CPSF6: variants seen among roughly 807,000 people sequenced by gnomAD.
The protein encoded by CPSF6 is cleavage and polyadenylation specific factor 6.
In CPSF6, 10 loss-of-function variants were observed where a neutral mutation model predicts 56.7. The observed-to-expected ratio is 0.18, with a 90% CI of 0.11 to 0.30. The LOEUF (loss-of-function observed/expected upper bound fraction) is 0.30, where lower values mean the gene tolerates loss of function less well. CPSF6 is among the 10% of genes least tolerant of loss of function. The pLI is 1.00. For synonymous variants in CPSF6, 248 were observed against 244.8 expected, an observed-to-expected ratio of 1.01 and a Z score of -0.12; for missense variants, 419 against 722.9, an observed-to-expected ratio of 0.58 and a Z score of 4.82.
chr12:69,257,798 C>G lies in CPSF6; in HGVS notation c.587C>G (p.Ala196Gly). ...AGPPGGSSRA[A>G]FPQGGRGRGR... ...CCTCCAGGAGGCAGTTCCCGTGCAG[C>G]ATTTCCACAAGGTGGTAGAGGACGG... The change falls in exon 5 of 10, where the codon GCA (alanine) becomes GGA (glycine). Residue 196 changes from alanine (A) to glycine (G), a missense_variant. Transcript: ENST00000435070. 1 of 1,613,460 alleles carries G rather than the reference C, an allele frequency of 6.2e-7. No homozygotes were observed.
At position 69,271,250 on chromosome 12, in the gene CPSF6, C is replaced by T. The variant is rs1873226715; in HGVS notation, c.*1742C>T. ...GTTGAAAATGCGGTTGCTTTTTTAACATTATTTTAGAGTTGTATCAAAATT... is the reference window on the plus strand; with the variant it reads ...GTTGAAAATGCGGTTGCTTTTTTAATATTATTTTAGAGTTGTATCAAAATT... On this transcript the variant is annotated 3_prime_UTR_variant, in exon 10 of 10. Coordinates refer to ENST00000435070, the MANE Select transcript of CPSF6 (RefSeq NM_007007.3). 6.6e-6 allele frequency: 1 copy of T among 152,032 alleles called. No homozygotes were observed. Among genetic ancestry groups the T allele is most frequent in the Non-Finnish European group, 1.5e-5 (1 of 67,656 alleles). 9.4% of individuals were successfully genotyped at this position (152,032 alleles called of 1,614,324 possible). A position where few individuals can be genotyped will look rare whatever the true frequency, so the allele number is the denominator to read the frequency against.
Position 69,272,917 on chromosome 12 carries a change from A to C in CPSF6, c.*3409A>C. ...GTGTGTATGCGTTTTTTTAACCTTAACTTCAGTTTAAACACTGGTGTATTT... is the reference window on the plus strand; with the variant it reads ...GTGTGTATGCGTTTTTTTAACCTTACCTTCAGTTTAAACACTGGTGTATTT... On this transcript the variant is annotated 3_prime_UTR_variant, in exon 10 of 10. Coordinates refer to ENST00000435070, the MANE Select transcript of CPSF6 (RefSeq NM_007007.3). 1 of 207,908 alleles carries C rather than the reference A, an allele frequency of 4.8e-6. No individual in the cohort carries two copies. The allele number at this position is 207,908 out of a possible 1,614,324, so 12.9% of individuals were successfully genotyped here.
Position 69,260,159 on chromosome 12 carries a change from T to C in CPSF6, c.1431T>C (p.Leu477=). Residue 477 remains leucine, a synonymous_variant, in exon 8 of 10, where the codon CTT becomes CTC. Transcript: ENST00000435070. ...KVLISSLQDC[L]HGIESKSYGS... is the part of the protein sequence containing the mutation. ...TTATTAGTTCTTTGCAAGATTGCCTTCATGGAATTGAGTCCAAGTCTTATG... is the reference window on the plus strand; with the variant it reads ...TTATTAGTTCTTTGCAAGATTGCCTCCATGGAATTGAGTCCAAGTCTTATG... 6.2e-7 allele frequency: 1 copy of C among 1,613,212 alleles called. No homozygotes were observed. The highest frequency in any genetic ancestry group is 2.2e-5 in the East Asian group (1 of 44,794).
rs116841199 is a variant in CPSF6, at chr12:69,257,012, C to T, written c.520+170C>T. Among the ~76,000 whole-genome samples, 4 of 152,304 alleles carry T rather than the reference C, an allele frequency of 2.6e-5. No homozygotes were observed. In the East Asian group the frequency reaches 5.8e-4, roughly 22 times the overall value. On this transcript the variant is annotated intron_variant, in intron 4 of 9. Transcript: ENST00000435070. ...CTGGTTATGACTGTGGGCCTGTGTA[C>T]GAGAAACCTACTCCTGTTCCATTTT...
chr12:69,262,168 T>G (rs538485038), intron 8 of CPSF6, among the ~76,000 whole-genome samples: 1 of 152,184 alleles, frequency 6.6e-6, no homozygotes, highest in African/African-American at 2.4e-5. Context: ...GTTGCTGATT[T>G]TTTTGTTAAT....
At chr12:69,263,108 A>G (rs1366845315) in intron 9 of CPSF6, among the ~76,000 whole-genome samples, 1 of 149,490 alleles carries the variant, frequency 6.7e-6, no homozygotes, top group Non-Finnish European at 1.5e-5. Context: ...TTTTTTTTTT[A>G]GAAGAGACAC....
Position 69,258,697 on chromosome 12 carries a change from A to G in CPSF6, c.802A>G (p.Asn268Asp). 1 of 1,613,456 alleles carries G rather than the reference A, an allele frequency of 6.2e-7. No homozygotes were observed. Among genetic ancestry groups the G allele is most frequent in the Non-Finnish European group, 8.5e-7 (1 of 1,179,880 alleles). The change falls in exon 6 of 10, where the codon AAT becomes GAT. Residue 268 changes from asparagine to aspartate, a missense_variant. Asn to Asp is a conservative substitution (Grantham distance 23). Coordinates refer to ENST00000435070, the MANE Select transcript of CPSF6 (RefSeq NM_007007.3). This position sits in a 1 kb window ranked among gnomAD's most constrained non-coding sequence, Gnocchi z 4.2. ...GCCTCCTCCTCTAGCTGGGCCTCCT[A>G]ATCGAGGAGATCGCCCTCCACCACC... is the stretch of plus-strand genomic sequence containing the variant. ...VLPPPLAGPP[N>D]RGDRPPPPVL... is the part of the protein sequence containing the mutation.
chr12:69,246,813 A>G (rs1485607404), intron 1 of CPSF6, among the ~76,000 whole-genome samples: 2 of 152,146 alleles, frequency 1.3e-5, no homozygotes, highest in East Asian at 1.9e-4. Flanking sequence ...CATATAATGC[A>G]CGAATTTTGT....
At position 69,273,770 on chromosome 12, in the gene CPSF6, T is replaced by C. The variant is rs772611805; in HGVS notation, c.*4262T>C. 1.3e-5 allele frequency: 2 copies of C among 151,962 alleles called. No homozygotes were observed. Among genetic ancestry groups the C allele is most frequent in the Non-Finnish European group, 2.9e-5 (2 of 67,856 alleles). 9.4% of individuals were successfully genotyped at this position (151,962 alleles called of 1,614,324 possible). A position where few individuals can be genotyped will look rare whatever the true frequency, so the allele number is the denominator to read the frequency against. ...AGGATCCTTTGGGTATAAATCATAATGTATTTTAAGGAATGCATCTATAAC... is the reference window on the plus strand; with the variant it reads ...AGGATCCTTTGGGTATAAATCATAACGTATTTTAAGGAATGCATCTATAAC... On this transcript the variant is annotated 3_prime_UTR_variant, in exon 10 of 10. Transcript: ENST00000435070.
Position 69,261,336 on chromosome 12 carries a change from G to A in CPSF6, c.1470-1037G>A, listed in dbSNP as rs9805040. Among the ~76,000 whole-genome samples, 529 of 152,246 alleles carry A rather than the reference G, an allele frequency of 3.5e-3. 5 individuals carry two copies. Among genetic ancestry groups the A allele is most frequent in the African/African-American group, 0.012 (505 of 41,536 alleles). On this transcript the variant is annotated intron_variant, in intron 8 of 9. Coordinates refer to ENST00000435070, the MANE Select transcript of CPSF6 (RefSeq NM_007007.3). ...AATCCCAACACTTTGGGAGACCAAG[G>A]CAGGAGGATCACGTGAGCCCCAGGA...
At chr12:69,240,115 G>T (rs182424244) in intron 1 of CPSF6, among the ~76,000 whole-genome samples, 2 of 151,060 alleles carry the variant, frequency 1.3e-5, no homozygotes, top group East Asian at 2.0e-4. Context: ...GGAGGAGGAA[G>T]CCCTGGCGGG....
At chr12:69,248,143 G>A (rs550870593) in intron 1 of CPSF6, among the ~76,000 whole-genome samples, 1 of 152,220 alleles carries the variant, frequency 6.6e-6, no homozygotes, top group South Asian at 2.1e-4. Flanking sequence ...GTAAGTGATT[G>A]TGATATACCA....
At chr12:69,257,950 AT>A in intron 5 of CPSF6, 45 bp downstream of exon 5, 1 of 1,591,360 alleles carries the variant, frequency 6.3e-7, no homozygotes, top group Non-Finnish European at 8.6e-7. Flanking sequence ...TGTCTACCTA[AT>A]ACCTCTTTTC....
intron 9 of CPSF6, among the ~76,000 whole-genome samples, chr12:69,269,021 C>G (rs940545365): frequency 1.6e-4 from 24 of 151,812 alleles, no homozygotes; most frequent in Non-Finnish European, 2.8e-4. Context: ...ATAATACTTG[C>G]AGAAGTTCCT....
intron 3 of CPSF6, among the ~76,000 whole-genome samples, chr12:69,256,476 T>C (rs1379262751): frequency 1.3e-5 from 2 of 152,184 alleles, no homozygotes; most frequent in Non-Finnish European, 2.9e-5. Context: ...TTGCCCAGGC[T>C]GGAGTGCAGT....
intron 8 of CPSF6, 82 bp from the exon 9 acceptor site, chr12:69,262,291 A>G: frequency 2.1e-6 from 3 of 1,424,644 alleles, no homozygotes; most frequent in Non-Finnish European, 2.8e-6. Context: ...TTGCTGCCTA[A>G]GTTTTTTTAG....
intron 9 of CPSF6, among the ~76,000 whole-genome samples, chr12:69,265,492 C>T (rs1872930921): frequency 6.6e-6 from 1 of 151,794 alleles, no homozygotes; most frequent in Non-Finnish European, 1.5e-5. Flanking sequence ...TCAGGCTTTT[C>T]CTCTCTCTAT....
intron 9 of CPSF6, among the ~76,000 whole-genome samples, chr12:69,266,895 TATGAA>T (rs1873015405): frequency 6.6e-6 from 1 of 152,096 alleles, no homozygotes; most frequent in Non-Finnish European, 1.5e-5. Context: ...TAGAAGAAAA[TATGAA>T]ATGTTTTGGT....
rs1307460901 is a variant in CPSF6 at position 69,262,372 on chromosome 12, G to C, written c.1470-1G>C. On this transcript the variant is annotated splice_acceptor_variant, in intron 8 of 9. Transcript: ENST00000435070. LOFTEE classifies it high-confidence loss of function. ...ATTAATCCAGTAATTTCTTTTAGAA[G>C]ACGTGAACGATCAAGAGAGAGGGAC... 5 of 1,579,864 alleles carry C rather than the reference G, an allele frequency of 3.2e-6. No individual in the cohort carries two copies. Among genetic ancestry groups the C allele is most frequent in the African/African-American group, 1.4e-5 (1 of 74,010 alleles).
Sources: gnomAD v4.1 joint callset for allele counts (sites outside exome capture counted in the v4.1 genomes callset) on GRCh38, gnomAD v4.1.1 for gene constraint, Gnocchi (gnomAD v3.1) non-coding constraint, MANE v1.5 for transcripts, NCBI Gene and HGNC (gene_info 2026-07-23, HGNC 2026-07-21) for gene names.